PATJ: variants seen among roughly 807,000 people sequenced by gnomAD.
The protein encoded by PATJ is inaD-like protein.
A neutral mutation model predicts 224.9 loss-of-function variants in PATJ; 190 were observed. The ratio of observed to expected loss-of-function variants is 0.84; its 90% CI spans 0.75 to 0.95. The LOEUF is 0.95. Among genes scored for constraint, PATJ ranks in the 40% least tolerant of loss-of-function variants. The probability of loss-of-function intolerance (pLI) is 0.00; values close to 1 mark genes in which losing one functional copy is unlikely to be tolerated. For missense variants in PATJ, 2,121 were observed against 2,270.3 expected (o/e 0.93, Z 1.34); for synonymous variants, 769 against 820.3 (o/e 0.94, Z 1.07).
At chr1:62,117,276 T>A in intron 37 of PATJ, 58 bp downstream of exon 37, 1 of 1,609,248 alleles carries the variant, frequency 6.2e-7, no homozygotes, top group Non-Finnish European at 8.5e-7. Context: ...GGGAGAAAGT[T>A]CCCCATTTAA....
chr1:61,946,931 G>A (rs1281987310), intron 27 of PATJ, among the ~76,000 whole-genome samples: 2 of 152,094 alleles, frequency 1.3e-5, no homozygotes, highest in Non-Finnish European at 2.9e-5. Context: ...ACCAAAAAAA[G>A]TAATCCATCA....
chr1:61,925,792 C>G (rs770787998), intron 26 of PATJ, among the ~76,000 whole-genome samples: 4 of 152,052 alleles, frequency 2.6e-5, no homozygotes, highest in African/African-American at 7.2e-5. Flanking sequence ...AGATGGTAAG[C>G]CTGGTTCAGA....
chr1:62,151,148 AAAC>A (rs10584674), intron 42 of PATJ, among the ~76,000 whole-genome samples: 105,628 of 151,758 alleles, frequency 0.7, 37,116 homozygotes, highest in East Asian at 0.82. Context: ...TCAAAAAACA[AAAC>A]AACAACAACA....
intron 24 of PATJ, among the ~76,000 whole-genome samples, chr1:61,901,902 G>A (rs918040037): frequency 2.0e-5 from 3 of 152,054 alleles, no homozygotes; most frequent in Non-Finnish European, 4.4e-5. Flanking sequence ...GATTCGCACC[G>A]GATACGCTCT....
chr1:61,886,820 A>AAAAAAAAAAAAAAAAAAAAAAAG (rs1668932666), intron 22 of PATJ, among the ~76,000 whole-genome samples: 1 of 24,864 alleles, frequency 4.0e-5, no homozygotes, highest in Non-Finnish European at 6.9e-5. Flanking sequence ...ACCCCATCTC[A>AAAAAAAAAAAAAAAAAAAAAAAG]AAAAAAAAAA....
chr1:61,959,213 G>A (rs1186177844), intron 27 of PATJ, among the ~76,000 whole-genome samples: 2 of 151,914 alleles, frequency 1.3e-5, no homozygotes, highest in African/African-American at 4.8e-5. Flanking sequence ...GACCTTTATA[G>A]TATAACTTTT....
At chr1:61,879,611 CTTT>C in intron 21 of PATJ, among the ~76,000 whole-genome samples, 1 of 146,308 alleles carries the variant, frequency 6.8e-6, no homozygotes, top group Admixed American at 6.9e-5. Flanking sequence ...AGAATTTTTC[CTTT>C]TTTTTTTTTC....
At chr1:61,928,148 G>C (rs973498269) in intron 27 of PATJ, among the ~76,000 whole-genome samples, 2 of 152,104 alleles carry the variant, frequency 1.3e-5, no homozygotes, top group African/African-American at 4.8e-5. Flanking sequence ...AATTATCTGG[G>C]TTGGATGTAG....
intron 9 of PATJ, among the ~76,000 whole-genome samples, chr1:61,792,034 AC>A (rs1308257961): frequency 6.6e-6 from 1 of 152,134 alleles, no homozygotes; most frequent in East Asian, 1.9e-4. Flanking sequence ...GAAAAAATAA[AC>A]CTTTCCACAA....
chr1:62,116,004 T>G (rs1415740506), intron 35 of PATJ, among the ~76,000 whole-genome samples: 1 of 152,188 alleles, frequency 6.6e-6, no homozygotes, highest in Admixed American at 6.5e-5. Context: ...AGAGCCAGTG[T>G]TGAAGTTTGC....
At chr1:62,049,402 A>T (rs1404927555) in intron 30 of PATJ, among the ~76,000 whole-genome samples, 1 of 152,000 alleles carries the variant, frequency 6.6e-6, no homozygotes, top group African/African-American at 2.4e-5. Context: ...TGTCCATTTG[A>T]TAGTTGAAAG....
chr1:62,151,731 A>G (rs1477401179), intron 42 of PATJ, among the ~76,000 whole-genome samples: 1 of 152,244 alleles, frequency 6.6e-6, no homozygotes, highest in Non-Finnish European at 1.5e-5. Flanking sequence ...CTGAGTTTAT[A>G]TGAGATGACT....
At chr1:62,021,054 C>T (rs1647051469) in intron 29 of PATJ, among the ~76,000 whole-genome samples, 1 of 152,040 alleles carries the variant, frequency 6.6e-6, no homozygotes, top group Admixed American at 6.6e-5. Flanking sequence ...GTCTCAAACT[C>T]CTGGCATCAA....
At chr1:62,134,602 C>A (rs1666628974) in intron 41 of PATJ, among the ~76,000 whole-genome samples, 1 of 152,094 alleles carries the variant, frequency 6.6e-6, no homozygotes, top group Non-Finnish European at 1.5e-5. Context: ...GCCTCAGCCT[C>A]CCAAAGTGCT....
At chr1:61,878,480 A>T (rs1339476162) in intron 21 of PATJ, among the ~76,000 whole-genome samples, 1 of 152,152 alleles carries the variant, frequency 6.6e-6, no homozygotes, top group East Asian at 1.9e-4. Context: ...TAAAAAGCAG[A>T]AGTGGTAGTG....
chr1:61,966,686 CAAA>C (rs200855600), intron 27 of PATJ, among the ~76,000 whole-genome samples: 3 of 86,372 alleles, frequency 3.5e-5, no homozygotes, highest in Non-Finnish European at 7.1e-5. Context: ...GACTTCATCT[CAAA>C]AAAAAAAAAA....
At chr1:62,015,347 C>T (rs150732693) in intron 28 of PATJ, among the ~76,000 whole-genome samples, 20 of 152,014 alleles carry the variant, frequency 1.3e-4, no homozygotes, top group Non-Finnish European at 2.2e-4. Context: ...TGAGTAGTTT[C>T]GAACCCATAA....
intron 19 of PATJ, among the ~76,000 whole-genome samples, chr1:61,862,261 A>C (rs1664732736): frequency 2.0e-5 from 3 of 150,012 alleles, no homozygotes; most frequent in African/African-American, 7.4e-5. Flanking sequence ...CAGTGGTGTG[A>C]TCTCGGCTCA....
At chr1:62,057,799 A>G in intron 31 of PATJ, among the ~76,000 whole-genome samples, 1 of 152,240 alleles carries the variant, frequency 6.6e-6, no homozygotes, top group East Asian at 1.9e-4. Context: ...ATGCCATAGC[A>G]TCCAGGGCTT....
Sources: gnomAD v4.1 joint callset for allele counts (sites outside exome capture counted in the v4.1 genomes callset) on GRCh38, gnomAD v4.1.1 for gene constraint, MANE v1.5 for transcripts, NCBI Gene and HGNC (gene_info 2026-07-23, HGNC 2026-07-21) for gene names.